NEDD4L: variants seen among roughly 807,000 people sequenced by gnomAD.
NEDD4L encodes E3 ubiquitin-protein ligase NEDD4-like.
NEDD4L carries 54 observed loss-of-function variants against 148.9 expected under a neutral mutation model. That is an observed-to-expected ratio of 0.36 (90% CI 0.29 to 0.45). The LOEUF (loss-of-function observed/expected upper bound fraction) is 0.45, where lower values mean the gene tolerates loss of function less well. Among genes scored for constraint, NEDD4L ranks in the 20% least tolerant of loss-of-function variants. NEDD4L has a pLI of 1.00. For missense variants in NEDD4L, 856 were observed against 1,233.8 expected (o/e 0.69, Z 4.59); for synonymous variants, 433 against 440.7 (o/e 0.98, Z 0.22).
At chr18:58,196,619 T>TA (rs1001450509) in intron 2 of NEDD4L, among the ~76,000 whole-genome samples, 1 of 151,816 alleles carries the variant, frequency 6.6e-6, no homozygotes. Flanking sequence ...TATGTGCCAT[T>TA]AAAAAAGATG....
At chr18:58,234,340 C>T (rs2045744606) in intron 2 of NEDD4L, among the ~76,000 whole-genome samples, 1 of 142,610 alleles carries the variant, frequency 7.0e-6, no homozygotes, top group South Asian at 2.3e-4. Flanking sequence ...CCCTCCCTCC[C>T]TCCTTCCCTC....
chr18:58,231,381 G>A (rs996084890), intron 2 of NEDD4L, among the ~76,000 whole-genome samples: 1 of 151,956 alleles, frequency 6.6e-6, no homozygotes, highest in Admixed American at 6.6e-5. Flanking sequence ...CTTCATCCTG[G>A]GGAGTTGAGG....
intron 18 of NEDD4L, among the ~76,000 whole-genome samples, chr18:58,351,961 T>C (rs938752035): frequency 1.3e-5 from 2 of 152,206 alleles, no homozygotes; most frequent in Non-Finnish European, 2.9e-5. Context: ...CTCATAGGCA[T>C]AGTACGTTTT....
intron 29 of NEDD4L, 147 bp downstream of exon 29, chr18:58,390,889 G>C: frequency 3.0e-6 from 2 of 671,588 alleles, no homozygotes; most frequent in South Asian, 3.3e-5. Flanking sequence ...AAAGTTCAAT[G>C]AAAGTACTGT....
At chr18:58,138,546 T>C (rs2033130594) in intron 1 of NEDD4L, among the ~76,000 whole-genome samples, 1 of 152,164 alleles carries the variant, frequency 6.6e-6, no homozygotes, top group Non-Finnish European at 1.5e-5. Context: ...CCTCCTTGGC[T>C]GAGGGACAGT....
Position 58,118,321 on chromosome 18 carries a change from C to T in NEDD4L, c.49-47467C>T, listed in dbSNP as rs528562173. 2.0e-5 allele frequency among the ~76,000 whole-genome samples: 3 copies of T among 152,346 alleles called. No individual in the cohort carries two copies. The East Asian group carries it at 5.8e-4, about 29-fold the overall frequency. On this transcript the variant is annotated intron_variant, in intron 1 of 30. Coordinates refer to ENST00000400345, the MANE Select transcript of NEDD4L (RefSeq NM_001144967.3). Reference sequence around the variant, plus strand: ...TGCTTATGATGCCTGTGACGTGAGGCTGTGGATGCAGAATTTGTGGTCTGA... The same window carrying T: ...TGCTTATGATGCCTGTGACGTGAGGTTGTGGATGCAGAATTTGTGGTCTGA...
chr18:58,241,597 G>A (rs1365802412), intron 2 of NEDD4L, among the ~76,000 whole-genome samples: 1 of 152,050 alleles, frequency 6.6e-6, no homozygotes, highest in Non-Finnish European at 1.5e-5. Flanking sequence ...GGTGGGGCCA[G>A]GTACCCAGAT....
rs551481760 is a variant in NEDD4L, at chr18:58,121,792, G to A, written c.49-43996G>A. On this transcript the variant is annotated intron_variant, in intron 1 of 30. Coordinates refer to ENST00000400345, the MANE Select transcript of NEDD4L (RefSeq NM_001144967.3). ...CCCAATAATATATGAATGCAATCTT[G>A]AAAAATACTCAGCATAGCCTTTAGG... Among the ~76,000 whole-genome samples the A allele has an allele frequency of 2.6e-5, 4 of 152,262 alleles. No individual in the cohort carries two copies. The East Asian group carries it at 7.7e-4, about 29-fold the overall frequency.
intron 2 of NEDD4L, among the ~76,000 whole-genome samples, chr18:58,228,408 G>C (rs2148064881): frequency 6.6e-6 from 1 of 152,318 alleles, no homozygotes; most frequent in African/African-American, 2.4e-5. Flanking sequence ...TGTGCTCTGA[G>C]AACTAAAAGT....
chr18:58,323,991 C>T (rs2059085699), intron 8 of NEDD4L, among the ~76,000 whole-genome samples: 1 of 152,194 alleles, frequency 6.6e-6, no homozygotes, highest in South Asian at 2.1e-4. Flanking sequence ...ATTCTCACAT[C>T]TGTTTGCAGC....
chr18:58,049,700 G>A (rs1045980090), intron 1 of NEDD4L, among the ~76,000 whole-genome samples: 10 of 152,134 alleles, frequency 6.6e-5, no homozygotes, highest in African/African-American at 2.2e-4. Context: ...TATAGGGACC[G>A]GGTGCAGTGA....
chr18:58,390,813 A>G, intron 29 of NEDD4L, 71 bp downstream of exon 29: 1 of 1,109,326 alleles, frequency 9.0e-7, no homozygotes, highest in Non-Finnish European at 1.3e-6. Context: ...CTGGCCCAAG[A>G]ACCCTGCCGC....
In NEDD4L at chr18:58,337,129, G is replaced by C. The variant is rs548986273; in HGVS notation, c.1125+1592G>C. Among the ~76,000 whole-genome samples, 24 of 152,188 alleles carry C rather than the reference G, an allele frequency of 1.6e-4. No individual in the cohort carries two copies. The South Asian group carries it at 4.8e-3, about 30-fold the overall frequency. ...AGGTGACCCCTCTGAATGAGATCCC[G>C]GGTGGCACGTTAGACTGCCATTTTC... On this transcript the variant is annotated intron_variant, in intron 13 of 30. Transcript: ENST00000400345.
chr18:58,177,777 C>T (rs527689153), intron 2 of NEDD4L, among the ~76,000 whole-genome samples: 33 of 152,296 alleles, frequency 2.2e-4, no homozygotes, highest in African/African-American at 7.7e-4. Flanking sequence ...TGTATTACTT[C>T]ATTTGCTAAG....
At chr18:58,276,992 G>A (rs62094559) in intron 5 of NEDD4L, among the ~76,000 whole-genome samples, 25,409 of 152,038 alleles carry the variant, frequency 0.17, 2,307 homozygotes, top group Non-Finnish European at 0.18. Context: ...CCCTTGGGGA[G>A]TATTTATTTT....
At chr18:58,396,084 C>A in intron 30 of NEDD4L, 83 bp from the exon 31 acceptor site, 1 of 882,596 alleles carries the variant, frequency 1.1e-6, no homozygotes, top group Non-Finnish European at 1.8e-6. Context: ...TTTTTATTCT[C>A]TTACTCAAAC....
chr18:58,252,761 A>G (rs6566954), intron 5 of NEDD4L, among the ~76,000 whole-genome samples: 51,817 of 151,882 alleles, frequency 0.34, 9,236 homozygotes, highest in African/African-American at 0.45. Context: ...TCCCTCTGTC[A>G]CCCAGGTTGG....
In NEDD4L at chr18:58,354,831, G is replaced by A. The variant is rs546260923; in HGVS notation, c.1709-2363G>A. Among the ~76,000 whole-genome samples the A allele has an allele frequency of 7.2e-5, 11 of 152,304 alleles. No individual in the cohort carries two copies. The South Asian group carries it at 2.1e-3, about 29-fold the overall frequency. Reference sequence around the variant, plus strand: ...TGGGAGGTGGTTGGGCACAGGGATGGGGCCCTGAGAGAATGGGTCACTTTT... The same window carrying A: ...TGGGAGGTGGTTGGGCACAGGGATGAGGCCCTGAGAGAATGGGTCACTTTT... On this transcript the variant is annotated intron_variant, in intron 18 of 30. Coordinates refer to ENST00000400345, the MANE Select transcript of NEDD4L (RefSeq NM_001144967.3).
At position 58,252,109 on chromosome 18, in the gene NEDD4L, C is replaced by T. The variant is rs1366415335; in HGVS notation, c.297+55C>T. On this transcript the variant is annotated intron_variant, in intron 5 of 30. Transcript: ENST00000400345. ...TTCATTTTTTTATTAACTGGATTTT[C>T]AGAGCAGCGTCTTTAAAACTCTGTG... 5.4e-6 allele frequency: 6 copies of T among 1,102,216 alleles called. No homozygotes were observed. In the East Asian group the frequency reaches 1.4e-4, roughly 26 times the overall value. 68.3% of individuals were successfully genotyped at this position (1,102,216 alleles called of 1,614,324 possible). A position where few individuals can be genotyped will look rare whatever the true frequency, so the allele number is the denominator to read the frequency against.
Sources: gnomAD v4.1 joint callset for allele counts (sites outside exome capture counted in the v4.1 genomes callset) on GRCh38, gnomAD v4.1.1 for gene constraint, MANE v1.5 for transcripts, NCBI Gene and HGNC (gene_info 2026-07-23, HGNC 2026-07-21) for gene names.